The following BCAS1 variants were observed in gnomAD, a reference collection of about 807,000 sequenced individuals.
The protein encoded by BCAS1 is breast carcinoma-amplified sequence 1.
A neutral mutation model predicts 65.4 loss-of-function variants in BCAS1; 46 were observed. The ratio of observed to expected loss-of-function variants is 0.70; its 90% CI spans 0.55 to 0.90. BCAS1 has a LOEUF of 0.90. Among genes scored for constraint, BCAS1 ranks in the 40% least tolerant of loss-of-function variants. The pLI is 0.00. For missense variants in BCAS1, 793 were observed against 771.2 expected, an observed-to-expected ratio of 1.03 and a Z score of -0.33; for synonymous variants, 298 against 293.5, an observed-to-expected ratio of 1.02 and a Z score of -0.16.
intron 10 of BCAS1, among the ~76,000 whole-genome samples, chr20:53,960,468 T>C (rs1256302747): frequency 1.1e-5 from 1 of 87,904 alleles, no homozygotes; most frequent in Admixed American, 1.3e-4. Flanking sequence ...GTTCAACTTC[T>C]TAAAAAAAAA....
intron 6 of BCAS1, among the ~76,000 whole-genome samples, chr20:53,993,942 G>A (rs571230933): frequency 3.9e-5 from 6 of 152,160 alleles, no homozygotes; most frequent in Non-Finnish European, 8.8e-5. Context: ...GAGCTCTACA[G>A]TTTGCAAAAC....
intron 12 of BCAS1, among the ~76,000 whole-genome samples, chr20:53,945,226 T>C (rs1319928193): frequency 6.6e-6 from 1 of 152,154 alleles, no homozygotes; most frequent in African/African-American, 2.4e-5. Flanking sequence ...ATCATCTCTT[T>C]GCGCTTTGGT....
intron 4 of BCAS1, among the ~76,000 whole-genome samples, chr20:54,023,133 G>A (rs1345762206): frequency 6.6e-6 from 1 of 152,186 alleles, no homozygotes; most frequent in East Asian, 1.9e-4. Flanking sequence ...TTGAAATTCG[G>A]TAATTCTTTT....
chr20:54,070,300 C>T (rs2092500106), intron 1 of BCAS1, 133 bp downstream of exon 1: 1 of 152,362 alleles, frequency 6.6e-6, no homozygotes, highest in South Asian at 2.1e-4. Flanking sequence ...TACACATATC[C>T]AAGGCCACAC....
chr20:54,014,386 G>A (rs990752142), intron 4 of BCAS1, among the ~76,000 whole-genome samples: 1 of 152,172 alleles, frequency 6.6e-6, no homozygotes, highest in Non-Finnish European at 1.5e-5. Flanking sequence ...GAAAAATAAT[G>A]CCGCCTTATC....
intron 9 of BCAS1, among the ~76,000 whole-genome samples, chr20:53,975,134 C>T (rs1403680493): frequency 6.6e-6 from 1 of 152,174 alleles, no homozygotes; most frequent in Non-Finnish European, 1.5e-5. Flanking sequence ...CTCTTTCAGC[C>T]CCTACTGATA....
intron 10 of BCAS1, among the ~76,000 whole-genome samples, chr20:53,963,017 G>A (rs1232649706): frequency 6.6e-6 from 1 of 151,486 alleles, no homozygotes. Flanking sequence ...TGCCCGGCTA[G>A]TTTTTTGTAT....
At chr20:54,021,623 C>T (rs919209189) in intron 4 of BCAS1, among the ~76,000 whole-genome samples, 2 of 151,606 alleles carry the variant, frequency 1.3e-5, no homozygotes, top group South Asian at 2.1e-4. Context: ...GGCAAACTAA[C>T]GCAGGAACAG....
At chr20:54,049,388 G>A (rs1008626057) in intron 3 of BCAS1, among the ~76,000 whole-genome samples, 1 of 152,086 alleles carries the variant, frequency 6.6e-6, no homozygotes, top group Admixed American at 6.5e-5. Context: ...TTAGCAGTGA[G>A]GCCTGAGAAC....
intron 4 of BCAS1, among the ~76,000 whole-genome samples, chr20:54,025,509 A>C (rs1374670193): frequency 6.6e-6 from 1 of 152,180 alleles, no homozygotes; most frequent in Non-Finnish European, 1.5e-5. Context: ...ATAAGGCACA[A>C]AAATAAGATT....
At chr20:54,026,225 G>C (rs2091669702) in intron 4 of BCAS1, among the ~76,000 whole-genome samples, 2 of 152,140 alleles carry the variant, frequency 1.3e-5, no homozygotes. Context: ...CAAGGGCTTT[G>C]CTATATTAGA....
chr20:54,060,244 T>C (rs539594605), intron 1 of BCAS1, among the ~76,000 whole-genome samples: 1 of 152,230 alleles, frequency 6.6e-6, no homozygotes, highest in Non-Finnish European at 1.5e-5. Context: ...GTTAGAACAA[T>C]GTCTAGCTCA....
At chr20:54,040,507 G>A (rs1000398991) in intron 3 of BCAS1, among the ~76,000 whole-genome samples, 6 of 151,228 alleles carry the variant, frequency 4.0e-5, no homozygotes, top group Non-Finnish European at 8.9e-5. Context: ...AGAGACAAGA[G>A]GCTCAGGGTG....
chr20:54,027,826 A>G (rs1845332285), intron 4 of BCAS1, among the ~76,000 whole-genome samples: 1 of 151,740 alleles, frequency 6.6e-6, no homozygotes, highest in Admixed American at 6.6e-5. Context: ...CAAAACCCCT[A>G]GTTTTTACAA....
intron 3 of BCAS1, among the ~76,000 whole-genome samples, chr20:54,032,625 G>GA (rs1272908284): frequency 6.6e-6 from 1 of 151,154 alleles, no homozygotes; most frequent in African/African-American, 2.4e-5. Flanking sequence ...AAGGGATGGG[G>GA]AAAAATCTAC....
At chr20:53,975,952 G>T (rs1277932104) in intron 8 of BCAS1, among the ~76,000 whole-genome samples, 1 of 152,206 alleles carries the variant, frequency 6.6e-6, no homozygotes, top group Admixed American at 6.5e-5. Flanking sequence ...GGGGCCAGCA[G>T]CAGGGGCCGC....
chr20:54,068,100 C>T (rs372088524), intron 1 of BCAS1, among the ~76,000 whole-genome samples: 1 of 152,318 alleles, frequency 6.6e-6, no homozygotes, highest in Non-Finnish European at 1.5e-5. Flanking sequence ...CAAGGGGACA[C>T]AGGGAACTGA....
intron 4 of BCAS1, 30 bp from the exon 5 acceptor site, chr20:53,996,080 A>G (rs1173751377): frequency 6.5e-7 from 1 of 1,549,524 alleles, no homozygotes; most frequent in Non-Finnish European, 8.7e-7. Context: ...CACAGTTGCC[A>G]CTTGCTGAAT....
intron 4 of BCAS1, among the ~76,000 whole-genome samples, chr20:54,008,110 T>G (rs1389185559): frequency 6.6e-6 from 1 of 152,238 alleles, no homozygotes; most frequent in African/African-American, 2.4e-5. Context: ...ATGACCATAC[T>G]ACTCCAGCCA....
Sources: gnomAD v4.1 joint callset for allele counts (sites outside exome capture counted in the v4.1 genomes callset) on GRCh38, gnomAD v4.1.1 for gene constraint, MANE v1.5 for transcripts, NCBI Gene and HGNC (gene_info 2026-07-23, HGNC 2026-07-21) for gene names.